Variants in COL23A1 observed in about 807,000 individuals in gnomAD.
COL23A1 encodes the protein collagen type XXIII alpha 1 chain, also known as collagen alpha-1(XXIII) chain.
A neutral mutation model predicts 99.3 loss-of-function variants in COL23A1; 97 were observed. The observed-to-expected ratio is 0.98, with a 90% CI of 0.83 to 1.16. The LOEUF is 1.16. COL23A1 is among the 50% of genes most tolerant of loss of function. COL23A1 has a pLI of 0.00. For synonymous variants in COL23A1, 320 were observed against 308.2 expected (o/e 1.04, Z -0.40); for missense variants, 762 against 757.4 (o/e 1.01, Z -0.07).
chr5:178,375,600 C>T (rs1202934190), intron 2 of COL23A1, among the ~76,000 whole-genome samples: 2 of 152,278 alleles, frequency 1.3e-5, no homozygotes, highest in Admixed American at 6.5e-5. Flanking sequence ...ACTTCTCTCC[C>T]ACCTTGCTGA....
At chr5:178,573,858 CT>C (rs34916378) in intron 1 of COL23A1, among the ~76,000 whole-genome samples, 49,808 of 148,764 alleles carry the variant, frequency 0.33, 8,458 homozygotes, top group African/African-American at 0.43. Flanking sequence ...CCATAGGGTT[CT>C]TTTTTTTTTT....
intron 2 of COL23A1, among the ~76,000 whole-genome samples, chr5:178,417,743 A>T (rs1765392045): frequency 6.6e-6 from 1 of 152,200 alleles, no homozygotes; most frequent in African/African-American, 2.4e-5. Context: ...GGCCAAGGAG[A>T]CGGAGTTCAT....
At chr5:178,295,546 C>A (rs918817032) in intron 3 of COL23A1, among the ~76,000 whole-genome samples, 1 of 152,196 alleles carries the variant, frequency 6.6e-6, no homozygotes, top group African/African-American at 2.4e-5. Context: ...TAAATTGGAA[C>A]CTTCTCTCTA....
At chr5:178,270,397 C>G in intron 5 of COL23A1, 34 bp from the exon 6 acceptor site, 1 of 1,612,960 alleles carries the variant, frequency 6.2e-7, no homozygotes, top group East Asian at 2.2e-5. Context: ...ACAGGTTACA[C>G]ACGGGGATGA....
chr5:178,335,018 G>GAGAA (rs1760243898), intron 2 of COL23A1, among the ~76,000 whole-genome samples: 1 of 152,210 alleles, frequency 6.6e-6, no homozygotes, highest in Non-Finnish European at 1.5e-5. Context: ...TCCATAGGTG[G>GAGAA]AGACCACAGG....
chr5:178,339,201 G>C (rs1334400899), intron 2 of COL23A1, among the ~76,000 whole-genome samples: 1 of 152,142 alleles, frequency 6.6e-6, no homozygotes, highest in Non-Finnish European at 1.5e-5. Flanking sequence ...ACTCGTCTGG[G>C]TCCTTGGGGC....
intron 2 of COL23A1, among the ~76,000 whole-genome samples, chr5:178,459,160 T>C (rs1159284708): frequency 6.6e-6 from 1 of 152,240 alleles, no homozygotes; most frequent in Non-Finnish European, 1.5e-5. Flanking sequence ...TTGGGGAACT[T>C]GCACATCAAC....
chr5:178,443,287 C>T (rs765206478), intron 2 of COL23A1, among the ~76,000 whole-genome samples: 1 of 152,216 alleles, frequency 6.6e-6, no homozygotes, highest in Non-Finnish European at 1.5e-5. Flanking sequence ...CTCTTCCTAA[C>T]CGGATCCGAA....
chr5:178,342,775 C>T (rs1760740601), intron 2 of COL23A1, among the ~76,000 whole-genome samples: 1 of 140,786 alleles, frequency 7.1e-6, no homozygotes, highest in Non-Finnish European at 1.6e-5. Flanking sequence ...ATTAAAGTCT[C>T]ATTCTTGTCA....
At chr5:178,500,156 T>A (rs1758441044) in intron 2 of COL23A1, among the ~76,000 whole-genome samples, 1 of 152,066 alleles carries the variant, frequency 6.6e-6, no homozygotes, top group Non-Finnish European at 1.5e-5. Flanking sequence ...AGGAAGGAAC[T>A]TTTAGGGTGA....
At chr5:178,376,387 G>A (rs2127729189) in intron 2 of COL23A1, among the ~76,000 whole-genome samples, 1 of 152,360 alleles carries the variant, frequency 6.6e-6, no homozygotes. Flanking sequence ...GGTGGGACAT[G>A]ATGGCTCAGA....
chr5:178,368,315 A>T (rs1762602057), intron 2 of COL23A1, among the ~76,000 whole-genome samples: 1 of 152,170 alleles, frequency 6.6e-6, no homozygotes, highest in South Asian at 2.1e-4. Flanking sequence ...TCTTAGGCTC[A>T]CAGCAAAATA....
intron 2 of COL23A1, among the ~76,000 whole-genome samples, chr5:178,413,974 C>T (rs1050113076): frequency 6.6e-5 from 10 of 152,152 alleles, no homozygotes; most frequent in Non-Finnish European, 4.4e-5. Flanking sequence ...TTTTTGACAG[C>T]TTCTCTGTGC....
intron 3 of COL23A1, among the ~76,000 whole-genome samples, chr5:178,290,634 C>T (rs1757406727): frequency 6.6e-6 from 1 of 152,188 alleles, no homozygotes; most frequent in Non-Finnish European, 1.5e-5. Context: ...TTCATGTCAC[C>T]AGGCAGCTTT....
At chr5:178,507,492 T>C (rs116795144) in intron 2 of COL23A1, among the ~76,000 whole-genome samples, 528 of 152,316 alleles carry the variant, frequency 3.5e-3, no homozygotes, top group African/African-American at 0.012. Context: ...AAGACGCTGA[T>C]AATAATAGTT....
intron 2 of COL23A1, among the ~76,000 whole-genome samples, chr5:178,383,377 GA>G (rs1437995918): frequency 6.6e-6 from 1 of 152,232 alleles, no homozygotes; most frequent in African/African-American, 2.4e-5. Context: ...CTGTGGTCAG[GA>G]AACCAGGACA....
chr5:178,469,264 G>A (rs1191509867), intron 2 of COL23A1, among the ~76,000 whole-genome samples: 5 of 152,270 alleles, frequency 3.3e-5, no homozygotes, highest in African/African-American at 1.2e-4. Flanking sequence ...GTATACCTAG[G>A]AGGGGACGAA....
rs1265045539 is a variant in COL23A1, at chr5:178,310,186, C to A, written c.362-3267G>T. On this transcript the variant is annotated intron_variant, in intron 2 of 28. Transcript: ENST00000390654. The surrounding 1 kb of genome is among the most constrained non-coding windows in gnomAD (Gnocchi z 4.3). ...AGGGCGAGTGTGCCGGAGCTGCACT[C>A]CCTGCTGACTGTGGGCTCCCACTCC... Among the ~76,000 whole-genome samples, 2 of 152,144 alleles carry A rather than the reference C, an allele frequency of 1.3e-5. No homozygotes were observed. The highest frequency in any genetic ancestry group is 2.9e-5 in the Non-Finnish European group (2 of 68,030).
chr5:178,492,724 T>C (rs1757996863), intron 2 of COL23A1, among the ~76,000 whole-genome samples: 1 of 151,764 alleles, frequency 6.6e-6, no homozygotes, highest in African/African-American at 2.4e-5. Flanking sequence ...CCAGTGTCCA[T>C]CACCTGTTCC....
Sources: gnomAD v4.1 joint callset for allele counts (sites outside exome capture counted in the v4.1 genomes callset) on GRCh38, gnomAD v4.1.1 for gene constraint, Gnocchi (gnomAD v3.1) non-coding constraint, MANE v1.5 for transcripts, NCBI Gene and HGNC (gene_info 2026-07-23, HGNC 2026-07-21) for gene names.